The following MEGF10 variants were observed in gnomAD, a reference collection of about 807,000 sequenced individuals.
MEGF10 encodes the protein multiple EGF like domains 10, also known as multiple epidermal growth factor-like domains protein 10.
A neutral mutation model predicts 147.5 loss-of-function variants in MEGF10; 86 were observed. The observed-to-expected ratio is 0.58, with a 90% CI of 0.49 to 0.70. MEGF10 has a LOEUF of 0.70. Among genes scored for constraint, MEGF10 ranks in the 30% least tolerant of loss-of-function variants. MEGF10 has a pLI of 0.00. For missense variants in MEGF10, 1,329 were observed against 1,487.3 expected, an observed-to-expected ratio of 0.89 and a Z score of 1.75; for synonymous variants, 478 against 525.5, an observed-to-expected ratio of 0.91 and a Z score of 1.24.
At chr5:127,437,325 G>A (rs1490720655) in intron 16 of MEGF10, among the ~76,000 whole-genome samples, 2 of 152,206 alleles carry the variant, frequency 1.3e-5, no homozygotes, top group African/African-American at 4.8e-5. Flanking sequence ...TTCTTCATCT[G>A]TAAAATTAAG....
intron 5 of MEGF10, among the ~76,000 whole-genome samples, chr5:127,384,714 C>T (rs1249711467): frequency 6.6e-6 from 1 of 152,320 alleles, no homozygotes; most frequent in East Asian, 1.9e-4. Context: ...TGGTTGTCCA[C>T]GGTGATCGTT....
intron 4 of MEGF10, among the ~76,000 whole-genome samples, chr5:127,342,504 C>T (rs1205145961): frequency 3.3e-5 from 5 of 152,106 alleles, no homozygotes; most frequent in Non-Finnish European, 7.4e-5. Context: ...GAAGGCCTGG[C>T]ATGTGGGATG....
At position 127,433,971 on chromosome 5, in the gene MEGF10, G is replaced by A. The variant is rs1765471980; in HGVS notation, c.1840+462G>A. ...GCTATGGGGAAAATGGAATTGCAAA[G>A]TTGAAAAAGGAGACTGTTGACATTG... On this transcript the variant is annotated intron_variant, in intron 14 of 24. Coordinates refer to ENST00000503335, the MANE Select transcript of MEGF10 (RefSeq NM_001256545.2). 3.9e-5 allele frequency among the ~76,000 whole-genome samples: 6 copies of A among 152,302 alleles called. No homozygotes were observed. The South Asian group carries it at 8.3e-4, about 21-fold the overall frequency.
intron 20 of MEGF10, among the ~76,000 whole-genome samples, chr5:127,446,420 A>G (rs1765944035): frequency 6.6e-6 from 1 of 152,196 alleles, no homozygotes. Context: ...ATAGTAGTGC[A>G]TTTTCAGTGC....
chr5:127,395,626 G>A (rs554760806), intron 5 of MEGF10, among the ~76,000 whole-genome samples: 1 of 135,950 alleles, frequency 7.4e-6, no homozygotes, highest in Non-Finnish European at 1.5e-5. Flanking sequence ...CTCACTGCCA[G>A]CTCCGCCTCC....
chr5:127,406,698 G>A (rs151319056), intron 8 of MEGF10, among the ~76,000 whole-genome samples: 18 of 152,312 alleles, frequency 1.2e-4, no homozygotes, highest in Non-Finnish European at 2.2e-4. Flanking sequence ...CTGTAGGCTG[G>A]CAGAGTAGTG....
At chr5:127,281,922 A>T in the MEGF10 span, among the ~76,000 whole-genome samples, 3 of 152,368 alleles carry the variant, frequency 2.0e-5, no homozygotes, top group African/African-American at 7.2e-5. Context: ...AGATTGCTTA[A>T]GCCCAGATAC....
At chr5:127,420,261 A>G in intron 12 of MEGF10, 54 bp downstream of exon 12, 2 of 1,573,148 alleles carry the variant, frequency 1.3e-6, no homozygotes, top group East Asian at 4.5e-5. Flanking sequence ...CTGATGTTGT[A>G]AAGTTGGCTT....
the MEGF10 span, among the ~76,000 whole-genome samples, chr5:127,271,233 C>T: frequency 6.6e-6 from 1 of 152,098 alleles, no homozygotes; most frequent in Non-Finnish European, 1.5e-5. Flanking sequence ...TGTTTCTTGA[C>T]TTTTTAGTAA....
chr5:127,438,405 A>G (rs1765634011), intron 16 of MEGF10, 34 bp from the exon 17 acceptor site: 2 of 1,609,572 alleles, frequency 1.2e-6, no homozygotes, highest in Admixed American at 1.7e-5. Context: ...TGGCCTCAGA[A>G]CTCTGATGGA....
chr5:127,361,637 C>G (rs550559786), intron 4 of MEGF10, among the ~76,000 whole-genome samples: 2 of 152,102 alleles, frequency 1.3e-5, no homozygotes, highest in South Asian at 4.1e-4. Flanking sequence ...GAGTTTTCTT[C>G]TTTCATAATG....
chr5:127,239,476 A>AAT, the MEGF10 span, among the ~76,000 whole-genome samples: 7,072 of 142,452 alleles, frequency 0.05, 240 homozygotes, highest in South Asian at 0.09. Context: ...ATATATATAT[A>AAT]ATATATATAC....
At chr5:127,277,963 A>G in the MEGF10 span, among the ~76,000 whole-genome samples, 2 of 152,188 alleles carry the variant, frequency 1.3e-5, no homozygotes, top group Admixed American at 6.5e-5. Flanking sequence ...ACATCTGTGA[A>G]CCAAGTGGTG....
At chr5:127,290,660 A>G (rs960030288), upstream of MEGF10, among the ~76,000 whole-genome samples, 4 of 152,188 alleles carry the variant, frequency 2.6e-5, no homozygotes, top group Non-Finnish European at 5.9e-5. Flanking sequence ...ATGTTGCGCT[A>G]GGGACTGCGC....
chr5:127,449,162 G>A lies in MEGF10; in HGVS notation c.2920G>A (p.Gly974Arg), dbSNP rs768701922. 1.2e-4 allele frequency: 186 copies of A among 1,613,916 alleles called. No homozygotes were observed. Among genetic ancestry groups the A allele is most frequent in the Non-Finnish European group, 1.6e-4 (185 of 1,179,982 alleles). The change falls in exon 22 of 25, where the codon GGG becomes AGG. Residue 974 changes from glycine (G) to arginine (R), a missense_variant. Coordinates refer to ENST00000503335, the MANE Select transcript of MEGF10 (RefSeq NM_001256545.2). ...GAACCCTGGGAAGAGAGGCCCTGTG[G>A]GGGACTGCACTGGGACATTGCCGGC... ...NVNPGKRGPV[G>R]DCTGTLPADW...
chr5:127,344,076 C>G (rs1320581860), intron 4 of MEGF10, among the ~76,000 whole-genome samples: 1 of 152,162 alleles, frequency 6.6e-6, no homozygotes, highest in African/African-American at 2.4e-5. Flanking sequence ...TTATCGTAGT[C>G]ATTTCCTCTT....
intron 4 of MEGF10, among the ~76,000 whole-genome samples, chr5:127,368,810 A>G (rs1762746129): frequency 6.6e-6 from 1 of 152,184 alleles, no homozygotes; most frequent in Admixed American, 6.5e-5. Context: ...TAAATCACAT[A>G]TATTAATATT....
intron 1 of MEGF10, among the ~76,000 whole-genome samples, chr5:127,331,024 A>G (rs1761234393): frequency 6.6e-6 from 1 of 152,230 alleles, no homozygotes; most frequent in Non-Finnish European, 1.5e-5. Flanking sequence ...ATTGGCTGGC[A>G]TAAATGAGAA....
intron 6 of MEGF10, among the ~76,000 whole-genome samples, chr5:127,398,307 G>T (rs1184109877): frequency 6.6e-6 from 1 of 151,890 alleles, no homozygotes; most frequent in Non-Finnish European, 1.5e-5. Flanking sequence ...ATTTTCTTTG[G>T]GAACAGAACA....
Sources: allele counts gnomAD v4.1 joint callset (sites outside exome capture counted in the v4.1 genomes callset), GRCh38; gene constraint gnomAD v4.1.1; transcripts MANE v1.5; gene names NCBI Gene and HGNC (gene_info 2026-07-23, HGNC 2026-07-21).